Variants in CELF2 observed in about 807,000 individuals in gnomAD.
The protein encoded by CELF2 is CUGBP Elav-like family member 2, also known as CUG triplet repeat RNA-binding protein 2.
A neutral mutation model predicts 62.6 loss-of-function variants in CELF2; 8 were observed. The observed-to-expected ratio is 0.13, with a 90% confidence interval of 0.07 to 0.23. The LOEUF (loss-of-function observed/expected upper bound fraction) is 0.23, where lower values mean the gene tolerates loss of function less well. Ranked by LOEUF, CELF2 falls within the 10% of genes least tolerant of loss-of-function variation. The pLI, the probability that CELF2 is intolerant of heterozygous loss-of-function variation, is 1.00. For synonymous variants in CELF2, 258 were observed against 250.0 expected (o/e 1.03, Z -0.30); for missense variants, 333 against 671.0 (o/e 0.50, Z 5.56).
At chr10:10,608,988 C>T in the CELF2 span, among the ~76,000 whole-genome samples, 1 of 152,154 alleles carries the variant, frequency 6.6e-6, no homozygotes, top group African/African-American at 2.4e-5. Context: ...GGATTGAGAA[C>T]ACTGGCCTCC....
intron 1 of CELF2, among the ~76,000 whole-genome samples, chr10:11,148,813 CTTG>C (rs942428122): frequency 1.3e-5 from 2 of 150,296 alleles, no homozygotes; most frequent in South Asian, 4.2e-4. Context: ...GCTAGTTGCC[CTTG>C]TTGTTATCGA....
chr10:10,724,265 T>G, the CELF2 span, among the ~76,000 whole-genome samples: 1 of 152,348 alleles, frequency 6.6e-6, no homozygotes, highest in South Asian at 2.1e-4. Context: ...TCATTTCATG[T>G]CCCTTGGTCT....
At chr10:11,218,350 T>C (rs2135959858) in intron 3 of CELF2, among the ~76,000 whole-genome samples, 1 of 152,312 alleles carries the variant, frequency 6.6e-6, no homozygotes, top group South Asian at 2.1e-4. Flanking sequence ...GATAAGGTAA[T>C]GTCCCTAATG....
Position 11,155,398 on chromosome 10 carries a change from C to G in CELF2, c.75-10088C>G, listed in dbSNP as rs1018503161. ...TGACATGGGCCTGCCTATTGCAGAG[C>G]CTCCCTTTTGTTTGCTCCTCGTCTT... On this transcript the variant is annotated intron_variant, in intron 1 of 12. Coordinates refer to ENST00000633077, the MANE Select transcript of CELF2 (RefSeq NM_001326342.2). 2.6e-5 allele frequency among the ~76,000 whole-genome samples: 4 copies of G among 152,134 alleles called. No individual in the cohort carries two copies. In the East Asian group the frequency reaches 7.7e-4, roughly 29 times the overall value.
Position 11,165,649 on chromosome 10 carries a change from C to T in CELF2, c.238C>T (p.Arg80Trp). The stretch of plus-strand genomic sequence containing the variant: ...AGCCGTCTACCAGATCAACGTCCTC[C>T]GGGACCGGAGTCAGAACCCTCCGCA... The part of the protein sequence containing the change: ...YGAVYQINVL[R>W]DRSQNPPQSK... Residue 80 changes from arginine to tryptophan, a missense_variant, in exon 2 of 13, where the codon CGG (arginine) becomes TGG (tryptophan). Arg to Trp is a moderately radical substitution (Grantham distance 101, BLOSUM62 -3). Transcript: ENST00000633077. The surrounding 1 kb of genome is among the most constrained non-coding windows in gnomAD (Gnocchi z 7.4). 6.2e-7 allele frequency: 1 copy of T among 1,614,066 alleles called. No individual in the cohort carries two copies. Among genetic ancestry groups the T allele is most frequent in the Non-Finnish European group, 8.5e-7 (1 of 1,179,962 alleles).
rs11305966 is a variant in CELF2, at chr10:11,215,591, C to CT, written c.272-1820dup. Among the ~76,000 whole-genome samples the CT allele has an allele frequency of 2.2e-3, 327 of 147,312 alleles. 13 individuals are homozygous for CT. The highest frequency in any genetic ancestry group is 7.3e-4 in the Non-Finnish European group (49 of 66,684). The stretch of plus-strand genomic sequence containing the variant: ...ACCTGCCTGAAAGTATCAGATTCTG[C>CT]TTTTTTTTTTTTTTAACTGTGGTTA... On this transcript the variant is annotated intron_variant, in intron 2 of 12. Transcript: ENST00000633077.
At chr10:10,594,399 A>T in the CELF2 span, among the ~76,000 whole-genome samples, 2 of 134,672 alleles carry the variant, frequency 1.5e-5, no homozygotes, top group African/African-American at 5.2e-5. Flanking sequence ...CTGTGCATTT[A>T]GTTCGAGCTA....
At chr10:10,935,215 A>C (rs115624736) in intron 2 of CELF2, 3 of 152,268 alleles carry the variant, frequency 2.0e-5, no homozygotes, top group Non-Finnish European at 2.9e-5. Context: ...CTGGGGTTTC[A>C]TCTGTTCTGG....
At chr10:11,245,245 G>A (rs1255250904) in intron 3 of CELF2, among the ~76,000 whole-genome samples, 5 of 152,110 alleles carry the variant, frequency 3.3e-5, no homozygotes, top group African/African-American at 4.8e-5. Flanking sequence ...TCTGGGAGTC[G>A]GAAGATTTTG....
intron 1 of CELF2, among the ~76,000 whole-genome samples, chr10:10,867,584 C>G (rs182746589): frequency 1.3e-5 from 2 of 152,160 alleles, no homozygotes; most frequent in Admixed American, 1.3e-4. Flanking sequence ...TTTCTATTAT[C>G]AAGCCTCTCC....
At chr10:11,168,231 C>T (rs912989040) in intron 2 of CELF2, among the ~76,000 whole-genome samples, 10 of 152,130 alleles carry the variant, frequency 6.6e-5, no homozygotes, top group African/African-American at 2.4e-4. Context: ...CAAATCTTAC[C>T]TTTGGAAATA....
chr10:10,545,117 G>C, the CELF2 span, among the ~76,000 whole-genome samples: 9 of 152,330 alleles, frequency 5.9e-5, no homozygotes, highest in Admixed American at 5.9e-4. Context: ...GTGGAACACT[G>C]ACGAGGAAGA....
chr10:10,592,443 C>T, the CELF2 span, among the ~76,000 whole-genome samples: 1 of 152,182 alleles, frequency 6.6e-6, no homozygotes, highest in Non-Finnish European at 1.5e-5. Flanking sequence ...CTCAGACCTT[C>T]CTTTCTGTGG....
the CELF2 span, among the ~76,000 whole-genome samples, chr10:10,650,178 A>G: frequency 4.6e-5 from 7 of 152,358 alleles, no homozygotes; most frequent in Non-Finnish European, 8.8e-5. Context: ...CTCATTTGAG[A>G]CAATCGAGGG....
chr10:10,885,011 A>T (rs767175059), intron 1 of CELF2, among the ~76,000 whole-genome samples: 1 of 152,210 alleles, frequency 6.6e-6, no homozygotes, highest in Non-Finnish European at 1.5e-5. Context: ...TGGGAGGCTG[A>T]GGCAGGCAGA....
At chr10:10,910,715 A>AAAAAAG (rs940552800) in intron 1 of CELF2, among the ~76,000 whole-genome samples, 5 of 149,252 alleles carry the variant, frequency 3.4e-5, no homozygotes, top group East Asian at 1.9e-4. Flanking sequence ...AAAAAAAAAA[A>AAAAAAG]AAAAGAAAAG....
At chr10:10,786,602 A>G in the CELF2 span, 2 of 152,204 alleles carry the variant, frequency 1.3e-5, no homozygotes, top group African/African-American at 4.8e-5. Context: ...TCTGTGATTC[A>G]ACTCAAAGAA....
At chr10:11,196,817 C>G (rs553808364) in intron 2 of CELF2, among the ~76,000 whole-genome samples, 1 of 151,182 alleles carries the variant, frequency 6.6e-6, no homozygotes, top group African/African-American at 2.4e-5. Context: ...ATTAGCCAGG[C>G]GTGGTGGCGC....
At chr10:11,154,779 A>G (rs1444921904) in intron 1 of CELF2, among the ~76,000 whole-genome samples, 1 of 152,178 alleles carries the variant, frequency 6.6e-6, no homozygotes, top group Admixed American at 6.5e-5. Flanking sequence ...TGGATTCATG[A>G]TACATTACTG....
Sources: allele counts gnomAD v4.1 joint callset (sites outside exome capture counted in the v4.1 genomes callset), GRCh38; gene constraint gnomAD v4.1.1; non-coding constraint Gnocchi (gnomAD v3.1); transcripts MANE v1.5; gene names NCBI Gene and HGNC (gene_info 2026-07-23, HGNC 2026-07-21).